Variants in SMYD3 observed in about 807,000 individuals in gnomAD.
The protein encoded by SMYD3 is histone-lysine N-methyltransferase SMYD3.
A neutral mutation model predicts 57.7 loss-of-function variants in SMYD3; 36 were observed. That is an observed-to-expected ratio of 0.62 (90% CI 0.48 to 0.82). The LOEUF is 0.82. SMYD3 is among the 40% of genes least tolerant of loss of function. The pLI is 0.00. For synonymous variants in SMYD3, 211 were observed against 195.0 expected (o/e 1.08, Z -0.68); for missense variants, 515 against 538.8 (o/e 0.96, Z 0.44).
intron 5 of SMYD3, among the ~76,000 whole-genome samples, chr1:246,275,633 C>A (rs1036550847): frequency 1.4e-5 from 2 of 144,294 alleles, no homozygotes; most frequent in African/African-American, 5.1e-5. Flanking sequence ...CGTATTAACA[C>A]TGGCAAGTTA....
At chr1:245,945,566 C>G (rs2057403658) in intron 5 of SMYD3, among the ~76,000 whole-genome samples, 1 of 152,086 alleles carries the variant, frequency 6.6e-6, no homozygotes, top group African/African-American at 2.4e-5. Context: ...GGCAATTCCT[C>G]AAAGGCCTAG....
chr1:246,458,910 A>G (rs990827304), intron 1 of SMYD3, among the ~76,000 whole-genome samples: 12 of 152,120 alleles, frequency 7.9e-5, no homozygotes, highest in Admixed American at 2.0e-4. Flanking sequence ...CATATATTCT[A>G]TGTGTATTCA....
intron 4 of SMYD3, among the ~76,000 whole-genome samples, chr1:246,329,572 T>C (rs969961513): frequency 2.0e-5 from 3 of 152,302 alleles, no homozygotes; most frequent in African/African-American, 7.2e-5. Context: ...TTTGAGTTCA[T>C]TGTAGATTCT....
At chr1:245,765,789 A>G (rs1213575106) in intron 10 of SMYD3, among the ~76,000 whole-genome samples, 1 of 152,116 alleles carries the variant, frequency 6.6e-6, no homozygotes, top group African/African-American at 2.4e-5. Context: ...CATCACTAAG[A>G]TGACCTAGAA....
In SMYD3 at chr1:246,307,402, A is replaced by C. The variant is rs967086790; in HGVS notation, c.531+19799T>G. ...CATTTGAAGAACCCTGCTCTCATAA[A>C]TTAGGGGATTCTTTTTTTTTTTTTT... On this transcript the variant is annotated intron_variant, in intron 5 of 11. Coordinates refer to ENST00000490107, the MANE Select transcript of SMYD3 (RefSeq NM_001167740.2). Among the ~76,000 whole-genome samples, 7 of 150,454 alleles carry C rather than the reference A, an allele frequency of 4.7e-5. No individual in the cohort carries two copies. In the South Asian group the frequency reaches 1.0e-3, roughly 23 times the overall value.
At chr1:245,854,597 C>T (rs200015199) in intron 10 of SMYD3, among the ~76,000 whole-genome samples, 3,115 of 150,870 alleles carry the variant, frequency 0.021, 111 homozygotes, top group African/African-American at 0.072. Flanking sequence ...ATCCTTTTCT[C>T]TCTCTCTCTC....
chr1:245,829,061 C>T (rs4654127), intron 10 of SMYD3, among the ~76,000 whole-genome samples: 103,154 of 144,934 alleles, frequency 0.71, 38,219 homozygotes, highest in Non-Finnish European at 0.84. Context: ...TCTTCACCTT[C>T]TTAGCCTGGC....
intron 5 of SMYD3, among the ~76,000 whole-genome samples, chr1:246,025,405 C>T (rs1241652482): frequency 6.6e-6 from 1 of 152,174 alleles, no homozygotes; most frequent in Non-Finnish European, 1.5e-5. Context: ...AGAAAGGGAG[C>T]TGTACCCTCC....
At chr1:246,437,627 C>T (rs541619442) in intron 1 of SMYD3, among the ~76,000 whole-genome samples, 7 of 152,210 alleles carry the variant, frequency 4.6e-5, no homozygotes, top group South Asian at 4.1e-4. Context: ...TTTATTAATG[C>T]GTGAATTTGT....
chr1:245,869,176 G>A (rs2052038355), intron 8 of SMYD3, among the ~76,000 whole-genome samples: 1 of 151,928 alleles, frequency 6.6e-6, no homozygotes, highest in African/African-American at 2.4e-5. Context: ...TTTTTTAGGG[G>A]ATGGAAACAT....
At chr1:246,483,908 C>T (rs1206478592) in intron 1 of SMYD3, 1 of 152,160 alleles carries the variant, frequency 6.6e-6, no homozygotes, top group Non-Finnish European at 1.5e-5. Context: ...TAACAGATGC[C>T]ACTCCCAACT....
At chr1:246,374,869 G>A (rs1234166247) in intron 1 of SMYD3, among the ~76,000 whole-genome samples, 1 of 152,114 alleles carries the variant, frequency 6.6e-6, no homozygotes, top group Non-Finnish European at 1.5e-5. Context: ...GAGGCAGGCG[G>A]ATCACCTGAG....
chr1:246,440,015 AACTTAACTCTTGTTTATATC>A (rs767288907), intron 1 of SMYD3, among the ~76,000 whole-genome samples: 4 of 152,208 alleles, frequency 2.6e-5, no homozygotes, highest in Admixed American at 2.6e-4. Context: ...ATGTCATAGG[AACTTAACTCTTGTTTATATC>A]CATTAGCCTG....
intron 1 of SMYD3, among the ~76,000 whole-genome samples, chr1:246,376,664 T>A (rs140885927): frequency 2.4e-4 from 37 of 151,202 alleles, no homozygotes; most frequent in African/African-American, 9.0e-4. Context: ...ATACTTGAAC[T>A]GTGCACTTAT....
intron 10 of SMYD3, among the ~76,000 whole-genome samples, chr1:245,806,854 G>C (rs973801724): frequency 6.5e-5 from 9 of 138,364 alleles, no homozygotes; most frequent in Non-Finnish European, 1.1e-4. Context: ...AGCTTGCAGT[G>C]AGCCGAGATC....
chr1:246,381,683 T>C (rs1040448429), intron 1 of SMYD3, among the ~76,000 whole-genome samples: 1 of 152,226 alleles, frequency 6.6e-6, no homozygotes, highest in Non-Finnish European at 1.5e-5. Flanking sequence ...AGTGAATAAA[T>C]GTTTGCTAAA....
intron 1 of SMYD3, among the ~76,000 whole-genome samples, chr1:246,475,043 G>A (rs981652455): frequency 3.9e-5 from 6 of 152,296 alleles, no homozygotes; most frequent in Middle Eastern, 6.8e-3. Flanking sequence ...TTGGTCGGGC[G>A]CGGTGGCTCA....
chr1:246,165,632 T>C (rs969698158), intron 5 of SMYD3, among the ~76,000 whole-genome samples: 6 of 152,082 alleles, frequency 3.9e-5, no homozygotes, highest in Non-Finnish European at 7.4e-5. Context: ...CCAGGCAAGA[T>C]TGTGTGCAGC....
chr1:245,772,914 T>C (rs1255251517), intron 10 of SMYD3, among the ~76,000 whole-genome samples: 1 of 152,092 alleles, frequency 6.6e-6, no homozygotes, highest in Non-Finnish European at 1.5e-5. Context: ...GTTGAATGAC[T>C]ATTTCACAAC....
Sources: gnomAD v4.1 joint callset for allele counts (sites outside exome capture counted in the v4.1 genomes callset) on GRCh38, gnomAD v4.1.1 for gene constraint, MANE v1.5 for transcripts, NCBI Gene and HGNC (gene_info 2026-07-23, HGNC 2026-07-21) for gene names.